The following TIAM1 variants were observed in gnomAD, a reference collection of about 807,000 sequenced individuals.
TIAM1 encodes the protein TIAM Rac1 associated GEF 1, also known as rho guanine nucleotide exchange factor TIAM1.
In TIAM1, 65 loss-of-function variants were observed where a neutral mutation model predicts 163.5. The ratio of observed to expected loss-of-function variants is 0.40; its 90% CI spans 0.33 to 0.49. The LOEUF (loss-of-function observed/expected upper bound fraction) is 0.49, where lower values mean the gene tolerates loss of function less well. TIAM1 is among the 20% of genes least tolerant of loss of function. TIAM1 has a pLI of 0.77. For missense variants in TIAM1, 1,789 were observed against 2,044.7 expected, an observed-to-expected ratio of 0.87 and a Z score of 2.41; for synonymous variants, 833 against 810.1, an observed-to-expected ratio of 1.03 and a Z score of -0.48.
In TIAM1 at chr21:31,249,368, T is replaced by C. The variant is rs896471815; in HGVS notation, c.1411+2374A>G. On this transcript the variant is annotated intron_variant, in intron 5 of 27. Coordinates refer to ENST00000541036, the MANE Select transcript of TIAM1 (RefSeq NM_001353694.2). Reference sequence around the variant, plus strand: ...ATCTTGGATTTCCAGCCTCCAGGACTGTGAGATGATACATTTCTGTTATTT... The same window carrying C: ...ATCTTGGATTTCCAGCCTCCAGGACCGTGAGATGATACATTTCTGTTATTT... Among the ~76,000 whole-genome samples, 13 of 152,184 alleles carry C rather than the reference T, an allele frequency of 8.5e-5. No individual in the cohort carries two copies. The East Asian group carries it at 2.1e-3, about 25-fold the overall frequency.
chr21:31,469,505 TAGA>T (rs765640862), intron 1 of TIAM1, among the ~76,000 whole-genome samples: 10 of 152,102 alleles, frequency 6.6e-5, no homozygotes, highest in South Asian at 2.1e-4. Context: ...CTGACAACAG[TAGA>T]AGAAGAAGAG....
intron 3 of TIAM1, among the ~76,000 whole-genome samples, chr21:31,269,318 G>A (rs909620805): frequency 6.6e-6 from 1 of 152,218 alleles, no homozygotes; most frequent in Non-Finnish European, 1.5e-5. Context: ...TAGGAAAGAA[G>A]CCACTTTTAT....
chr21:31,205,074 A>T (rs1350565181), intron 11 of TIAM1, among the ~76,000 whole-genome samples: 1 of 152,218 alleles, frequency 6.6e-6, no homozygotes, highest in Non-Finnish European at 1.5e-5. Context: ...GGAACATAAA[A>T]CAGGAACTTT....
chr21:31,533,984 C>T (rs1021336405), intron 1 of TIAM1, among the ~76,000 whole-genome samples: 1 of 152,174 alleles, frequency 6.6e-6, no homozygotes, highest in African/African-American at 2.4e-5. Flanking sequence ...ACAGGATGTG[C>T]TTAGCTTTCC....
chr21:31,483,175 A>G (rs1022580987), intron 1 of TIAM1, among the ~76,000 whole-genome samples: 2 of 152,214 alleles, frequency 1.3e-5, no homozygotes, highest in Non-Finnish European at 2.9e-5. Context: ...ATAAGCAAAC[A>G]TAAGTAGGCC....
At chr21:31,460,303 AC>A (rs1366143990) in intron 2 of TIAM1, among the ~76,000 whole-genome samples, 1 of 152,056 alleles carries the variant, frequency 6.6e-6, no homozygotes, top group African/African-American at 2.4e-5. Flanking sequence ...AGGTAGCAAA[AC>A]CCCACAATCT....
intron 2 of TIAM1, among the ~76,000 whole-genome samples, chr21:31,423,904 T>C (rs2147264935): frequency 6.8e-6 from 1 of 147,134 alleles, no homozygotes; most frequent in African/African-American, 2.5e-5. Context: ...TAGGGAATGA[T>C]TTGGGGCATG....
Position 31,339,657 on chromosome 21 carries a change from G to C in TIAM1, c.-368-235C>G, listed in dbSNP as rs147320639. On this transcript the variant is annotated intron_variant, in intron 1 of 27. Transcript: ENST00000541036. Reference sequence around the variant, plus strand: ...CTTTGTAGAAAGCACCTTGACTGTAGAGATTCTTGCCCACCAAAATCTCAT... The same window carrying C: ...CTTTGTAGAAAGCACCTTGACTGTACAGATTCTTGCCCACCAAAATCTCAT... 2.8e-3 allele frequency among the ~76,000 whole-genome samples: 421 copies of C among 152,312 alleles called. 2 individuals are homozygous for C. The highest frequency in any genetic ancestry group is 9.9e-3 in the African/African-American group (411 of 41,572).
At chr21:31,132,017 T>C (rs2082428341) in intron 23 of TIAM1, among the ~76,000 whole-genome samples, 1 of 152,204 alleles carries the variant, frequency 6.6e-6, no homozygotes, top group Non-Finnish European at 1.5e-5. Flanking sequence ...GCAGCCCAAA[T>C]GGACTAAGAT....
At chr21:31,414,519 T>G (rs16988236) in intron 2 of TIAM1, among the ~76,000 whole-genome samples, 9,442 of 152,142 alleles carry the variant, frequency 0.062, 376 homozygotes, top group East Asian at 0.11. Context: ...TTTCTATGTG[T>G]CCAGTGAACA....
At position 31,252,190 on chromosome 21, in the gene TIAM1, CT is replaced by C; in HGVS notation, c.964-2del. Reference sequence around the variant, plus strand: ...CACTGCCCTCGCCTGCATTAACATCCTTGGGAGCAGAAAGAGAGAGCAAAGA... The same window carrying C: ...CACTGCCCTCGCCTGCATTAACATCCTGGGAGCAGAAAGAGAGAGCAAAGA... On this transcript the variant is annotated splice_acceptor_variant, in intron 4 of 27. Coordinates refer to ENST00000541036, the MANE Select transcript of TIAM1 (RefSeq NM_001353694.2). LOFTEE classifies it high-confidence loss of function. 6.2e-7 allele frequency: 1 copy of C among 1,600,880 alleles called. No homozygotes were observed. The highest frequency in any genetic ancestry group is 8.5e-7 in the Non-Finnish European group (1 of 1,178,122).
At chr21:31,354,362 G>A (rs1340344957) in intron 2 of TIAM1, among the ~76,000 whole-genome samples, 4 of 152,152 alleles carry the variant, frequency 2.6e-5, no homozygotes, top group Non-Finnish European at 5.9e-5. Context: ...GGTATCTAAC[G>A]TGAGCCAGCT....
intron 6 of TIAM1, among the ~76,000 whole-genome samples, chr21:31,243,024 TAGAAAA>T (rs2071280618): frequency 6.7e-6 from 1 of 149,848 alleles, no homozygotes. Context: ...CCACCTCTAC[TAGAAAA>T]AAAAATACAA....
At chr21:31,149,567 T>C (rs1238741914) in intron 19 of TIAM1, among the ~76,000 whole-genome samples, 1 of 152,090 alleles carries the variant, frequency 6.6e-6, no homozygotes, top group Admixed American at 6.5e-5. Flanking sequence ...TGTGAATCTT[T>C]TTAGTGATTA....
At chr21:31,524,941 T>C (rs2047728092) in intron 1 of TIAM1, among the ~76,000 whole-genome samples, 1 of 152,156 alleles carries the variant, frequency 6.6e-6, no homozygotes, top group African/African-American at 2.4e-5. Context: ...GGCTCATGGT[T>C]CTGCAGACTG....
chr21:31,430,223 A>AT (rs1165189999), intron 2 of TIAM1, among the ~76,000 whole-genome samples: 2,560 of 97,310 alleles, frequency 0.026, 19 homozygotes, highest in Non-Finnish European at 0.033. Flanking sequence ...AAAAAAAAAA[A>AT]AAATATATAT....
chr21:31,186,262 TTTCGCAG>T (rs1375554092), intron 14 of TIAM1, among the ~76,000 whole-genome samples: 3 of 152,208 alleles, frequency 2.0e-5, no homozygotes, highest in Non-Finnish European at 4.4e-5. Context: ...GGTTCTCAAC[TTTCGCAG>T]ATTCTTCTAT....
intron 2 of TIAM1, among the ~76,000 whole-genome samples, chr21:31,411,974 C>T (rs2077366555): frequency 6.6e-6 from 1 of 152,134 alleles, no homozygotes; most frequent in Non-Finnish European, 1.5e-5. Context: ...ATCAGAAAGA[C>T]ACCTGCATTT....
chr21:31,385,426 G>A (rs894110284), intron 2 of TIAM1, among the ~76,000 whole-genome samples: 1 of 152,080 alleles, frequency 6.6e-6, no homozygotes, highest in Non-Finnish European at 1.5e-5. Context: ...GGGCTGCTAC[G>A]AAAGAAGGGT....
Sources: allele counts gnomAD v4.1 joint callset (sites outside exome capture counted in the v4.1 genomes callset), GRCh38; gene constraint gnomAD v4.1.1; transcripts MANE v1.5; gene names NCBI Gene and HGNC (gene_info 2026-07-23, HGNC 2026-07-21).